The following INPP1 variants were observed in gnomAD, a reference collection of about 807,000 sequenced individuals.
The protein encoded by INPP1 is inositol polyphosphate 1-phosphatase.
Under a neutral mutation model 23.0 loss-of-function variants are expected in INPP1, and 18 were observed. The ratio of observed to expected loss-of-function variants is 0.78; its 90% CI spans 0.54 to 1.16. The LOEUF is 1.16. Ranked by LOEUF, INPP1 falls within the 50% of genes most tolerant of loss-of-function variation. The probability of loss-of-function intolerance (pLI) is 0.00; values close to 1 mark genes in which losing one functional copy is unlikely to be tolerated. For synonymous variants in INPP1, 164 were observed against 176.3 expected (o/e 0.93, Z 0.55); for missense variants, 448 against 482.1 (o/e 0.93, Z 0.66).
chr2:190,370,684 A>G (rs1689781942), intron 6 of INPP1, among the ~76,000 whole-genome samples, 160 bp from the exon 7 acceptor site: 1 of 152,084 alleles, frequency 6.6e-6, no homozygotes, highest in Admixed American at 6.6e-5. Context: ...ACTTTCTGAA[A>G]TAAACTAGCT....
Position 190,371,360 on chromosome 2 carries a change from C to A in INPP1, c.1158C>A (p.Ser386Arg). The change falls in exon 7 of 7, where the codon AGC becomes AGA. Residue 386 changes from serine to arginine, a missense_variant. By Grantham distance (110) the Ser-to-Arg change is moderately radical. Transcript: ENST00000392329. The surrounding 1 kb of genome is among the most constrained non-coding windows in gnomAD (Gnocchi z 5.3). Reference protein sequence around the residue: ...RSRKRLETFLSLLVQNLAPAE... With the variant: ...RSRKRLETFLRLLVQNLAPAE... ...GGAAGCGGCTGGAGACATTCCTGAG[C>A]CTCCTGGTCCAAAACCTGGCACCTG... 1 of 1,539,614 alleles carries A rather than the reference C, an allele frequency of 6.5e-7. No individual in the cohort carries two copies. Among genetic ancestry groups the A allele is most frequent in the Non-Finnish European group, 8.7e-7 (1 of 1,144,108 alleles).
At chr2:190,353,687 G>A (rs866967794) in intron 2 of INPP1, among the ~76,000 whole-genome samples, 3 of 152,216 alleles carry the variant, frequency 2.0e-5, no homozygotes, top group Non-Finnish European at 2.9e-5. Flanking sequence ...GAGAGGGTAA[G>A]AAAATACCTG....
rs778529736 is a variant in INPP1, at chr2:190,369,204, G to C, written c.568G>C (p.Asp190His). ...TGTCACCATTTTAATTGGTGTCTAT[G>C]ACATACAGACAGGGGTTCCCCTGAT... ...QCVTILIGVY[D>H]IQTGVPLMGV... The change falls in exon 6 of 7, where the codon GAC (aspartate) becomes CAC (histidine). Residue 190 changes from aspartate to histidine, a missense_variant. By Grantham distance (81) the Asp-to-His change is moderately conservative (BLOSUM62 -1). Transcript: ENST00000392329. 2.5e-6 allele frequency: 4 copies of C among 1,605,712 alleles called. No individual in the cohort carries two copies. Among genetic ancestry groups the C allele is most frequent in the Admixed American group, 3.3e-5 (2 of 59,916 alleles).
Position 190,352,270 on chromosome 2 carries a change from A to G in INPP1, c.-65+3239A>G, listed in dbSNP as rs922709361. Among the ~76,000 whole-genome samples the G allele has an allele frequency of 6.6e-6, 1 of 152,212 alleles. No individual in the cohort carries two copies. Among genetic ancestry groups the G allele is most frequent in the African/African-American group, 2.4e-5 (1 of 41,450 alleles). On this transcript the variant is annotated intron_variant, in intron 2 of 6. Transcript: ENST00000392329. The surrounding 1 kb of genome is among the most constrained non-coding windows in gnomAD (Gnocchi z 4.7). ...GCAAATGGATAGTGCAAAATCAGCT[A>G]CTAAAAGGCTAAACTTAATCAGAGC...
intron 1 of INPP1, among the ~76,000 whole-genome samples, chr2:190,348,674 A>T (rs1210248636): frequency 2.0e-5 from 3 of 152,222 alleles, no homozygotes; most frequent in Non-Finnish European, 4.4e-5. Context: ...TTCATGTGCC[A>T]TAATGTCTTC....
intron 4 of INPP1, 101 bp downstream of exon 4, chr2:190,362,788 G>A (rs1389113780): frequency 3.0e-6 from 2 of 671,628 alleles, no homozygotes; most frequent in Non-Finnish European, 5.0e-6. Flanking sequence ...GCCACTTACT[G>A]TAAACAACAT....
Position 190,371,452 on chromosome 2 carries a change from T to G in INPP1, c.*50T>G. 7.2e-7 allele frequency: 1 copy of G among 1,386,572 alleles called. No homozygotes were observed. Among genetic ancestry groups the G allele is most frequent in the Non-Finnish European group, 9.6e-7 (1 of 1,036,842 alleles). 85.9% of individuals were successfully genotyped at this position (1,386,572 alleles called of 1,614,324 possible). The stretch of plus-strand genomic sequence containing the variant: ...GTATAAACTGAACTGTGAAACTGTT[T>G]CGGTTATCTCTGTCTTTTGAGGATG... On this transcript the variant is annotated 3_prime_UTR_variant, in exon 7 of 7. Transcript: ENST00000392329. The surrounding 1 kb of genome is among the most constrained non-coding windows in gnomAD (Gnocchi z 5.3).
At position 190,362,621 on chromosome 2, in the gene INPP1, A is replaced by C. The variant is rs1321058241; in HGVS notation, c.205-6A>C. The C allele has an allele frequency of 6.3e-7, 1 of 1,599,020 alleles. No homozygotes were observed. On this transcript the variant is annotated splice_region_variant and splice_polypyrimidine_tract_variant and intron_variant, in intron 3 of 6. Transcript: ENST00000392329. ...TTTGTTTTTCGTCATACTCTGAATC[A>C]TTCAGTTTCCAGGCTTGGAAAAAAA...
intron 1 of INPP1, among the ~76,000 whole-genome samples, chr2:190,348,104 C>CT (rs1315195320): frequency 6.6e-6 from 1 of 152,244 alleles, no homozygotes; most frequent in Non-Finnish European, 1.5e-5. Flanking sequence ...TGCCACTGCA[C>CT]TGCAGCCTGG....
rs1427556975 is a variant in INPP1, at chr2:190,368,889, C to T, written c.467-214C>T. On this transcript the variant is annotated intron_variant, in intron 5 of 6. Transcript: ENST00000392329. This position sits in a 1 kb window ranked among gnomAD's most constrained non-coding sequence, Gnocchi z 4.3. ...ATTGCTATGCCACAGGAACTATAGACACATCCTCTCCCTTCAAGAGTTCTC... is the reference window on the plus strand; with the variant it reads ...ATTGCTATGCCACAGGAACTATAGATACATCCTCTCCCTTCAAGAGTTCTC... The T allele has an allele frequency of 5.3e-6, 2 of 376,940 alleles. No homozygotes were observed. Among genetic ancestry groups the T allele is most frequent in the East Asian group, 7.9e-5 (2 of 25,274 alleles). The allele number at this position is 376,940 out of a possible 1,614,324, so 23.3% of individuals were successfully genotyped here. A position where few individuals can be genotyped will look rare whatever the true frequency, so the allele number is the denominator to read the frequency against.
intron 4 of INPP1, 148 bp from the exon 5 acceptor site, chr2:190,366,547 C>T (rs9784054): frequency 3.1e-6 from 2 of 644,010 alleles, no homozygotes; most frequent in Non-Finnish European, 5.5e-6. Context: ...CTCGCTCTTT[C>T]GCTCTGTCTC....
intron 2 of INPP1, among the ~76,000 whole-genome samples, chr2:190,353,274 G>C (rs1224104357): frequency 2.0e-5 from 3 of 152,194 alleles, no homozygotes; most frequent in Non-Finnish European, 2.9e-5. Flanking sequence ...GTCATAGACT[G>C]TCTACCATGA....
intron 3 of INPP1, among the ~76,000 whole-genome samples, chr2:190,362,141 G>A (rs1261464300): frequency 6.6e-6 from 1 of 152,042 alleles, no homozygotes; most frequent in Non-Finnish European, 1.5e-5. Flanking sequence ...TGAGAGTGGG[G>A]AAACAAACGC....
chr2:190,369,336 CTTG>C, intron 6 of INPP1, 59 bp downstream of exon 6: 3 of 947,598 alleles, frequency 3.2e-6, no homozygotes, highest in African/African-American at 1.6e-5. Context: ...CTCAGCTTTG[CTTG>C]TTGTTAGGAT....
chr2:190,367,601 G>A lies in INPP1; in HGVS notation c.466+706G>A, dbSNP rs890377828. Among the ~76,000 whole-genome samples the A allele has an allele frequency of 6.6e-6, 1 of 152,128 alleles. No homozygotes were observed. ...TCTCGTGTTGCACACAGGCTGGAGTGCAGTGGCACAGTCAGAACTCACTCA... is the reference window on the plus strand; with the variant it reads ...TCTCGTGTTGCACACAGGCTGGAGTACAGTGGCACAGTCAGAACTCACTCA... On this transcript the variant is annotated intron_variant, in intron 5 of 6. Coordinates refer to ENST00000392329, the MANE Select transcript of INPP1 (RefSeq NM_001128928.2). The surrounding 1 kb of genome is among the most constrained non-coding windows in gnomAD (Gnocchi z 4.1).
At chr2:190,349,431 C>G (rs1032544773) in intron 2 of INPP1, among the ~76,000 whole-genome samples, 1 of 152,048 alleles carries the variant, frequency 6.6e-6, no homozygotes. Flanking sequence ...AAGCGAAACC[C>G]TGTCTGAAAA....
intron 6 of INPP1, among the ~76,000 whole-genome samples, chr2:190,370,152 A>G (rs1168551794): frequency 3.9e-5 from 6 of 152,256 alleles, no homozygotes; most frequent in Non-Finnish European, 7.3e-5. Flanking sequence ...GGAGGTGGTC[A>G]ACAAAATAGT....
intron 2 of INPP1, among the ~76,000 whole-genome samples, chr2:190,358,722 C>G (rs575941149): frequency 1.3e-5 from 2 of 152,122 alleles, no homozygotes; most frequent in African/African-American, 4.8e-5. Flanking sequence ...CAAGCTTTTC[C>G]AGTAAGAGGT....
At chr2:190,357,233 G>A (rs1024042964) in intron 2 of INPP1, among the ~76,000 whole-genome samples, 1 of 152,080 alleles carries the variant, frequency 6.6e-6, no homozygotes, top group Non-Finnish European at 1.5e-5. Context: ...CATTTGCCTC[G>A]AGGGGCTGAG....
Sources: allele counts gnomAD v4.1 joint callset (sites outside exome capture counted in the v4.1 genomes callset), GRCh38; gene constraint gnomAD v4.1.1; non-coding constraint Gnocchi (gnomAD v3.1); transcripts MANE v1.5; gene names NCBI Gene and HGNC (gene_info 2026-07-23, HGNC 2026-07-21).